Variants in ZDHHC20 observed in about 807,000 individuals in gnomAD.
ZDHHC20 encodes palmitoyltransferase ZDHHC20.
A neutral mutation model predicts 57.8 loss-of-function variants in ZDHHC20; 43 were observed. That is an observed-to-expected ratio of 0.74 (90% CI 0.58 to 0.96). ZDHHC20 has a LOEUF of 0.96. ZDHHC20 is among the 40% of genes least tolerant of loss of function. The pLI, the probability that ZDHHC20 is intolerant of heterozygous loss-of-function variation, is 0.00. For missense variants in ZDHHC20, 391 were observed against 441.1 expected (o/e 0.89, Z 1.02); for synonymous variants, 157 against 153.0 (o/e 1.03, Z -0.19).
intron 3 of ZDHHC20, among the ~76,000 whole-genome samples, chr13:21,417,757 A>T (rs1231424485): frequency 6.6e-6 from 1 of 151,910 alleles, no homozygotes; most frequent in East Asian, 1.9e-4. Context: ...TGCTTTTTAG[A>T]CCCAATCAAT....
intron 1 of ZDHHC20, among the ~76,000 whole-genome samples, chr13:21,438,418 T>C (rs972336239): frequency 3.3e-5 from 5 of 152,126 alleles, no homozygotes; most frequent in African/African-American, 1.2e-4. Flanking sequence ...ACTAAACAGT[T>C]CAAGACTTCA....
intron 4 of ZDHHC20, among the ~76,000 whole-genome samples, chr13:21,404,814 A>G (rs776002322): frequency 5.9e-5 from 9 of 152,064 alleles, no homozygotes; most frequent in Non-Finnish European, 1.2e-4. Flanking sequence ...GGAAAAGAAT[A>G]TATATTTTCT....
intron 4 of ZDHHC20, among the ~76,000 whole-genome samples, chr13:21,408,660 T>G (rs1878787296): frequency 6.6e-6 from 1 of 152,106 alleles, no homozygotes; most frequent in South Asian, 2.1e-4. Context: ...TGAATAGGAG[T>G]GGTGAGAGAG....
chr13:21,440,448 TAAA>T (rs1321466955), intron 1 of ZDHHC20, among the ~76,000 whole-genome samples: 1 of 151,982 alleles, frequency 6.6e-6, no homozygotes, highest in Non-Finnish European at 1.5e-5. Flanking sequence ...CTGTCTCTAC[TAAA>T]AATACAAAAA....
In ZDHHC20 at chr13:21,381,479, A is replaced by T. The variant is rs1566061629; in HGVS notation, c.1015T>A (p.Ser339Thr). The T allele has an allele frequency of 6.2e-7, 1 of 1,613,910 alleles. No homozygotes were observed. Residue 339 changes from serine (S) to threonine (T), a missense_variant, in exon 11 of 13, where the codon TCT becomes ACT. Ser to Thr is a moderately conservative substitution (Grantham distance 58). This residue lies in a region of ZDHHC20 where 197 missense variants were observed against 220.8 expected (regional missense o/e 0.89). Transcript: ENST00000400590. ...ESKNRLLDSE[S>T]QWLENGAEEG... ...TCAGCTCCATTCTCCAGCCACTGAG[A>T]TTCACTGTCCAACAAGCGGTTTTTT...
intron 4 of ZDHHC20, among the ~76,000 whole-genome samples, chr13:21,404,740 C>T (rs1001630075): frequency 1.4e-5 from 2 of 141,684 alleles, no homozygotes; most frequent in Admixed American, 7.3e-5. Context: ...GGTGACAGAG[C>T]GAGATTCCAT....
At chr13:21,405,033 T>TAA (rs1008920496) in intron 4 of ZDHHC20, among the ~76,000 whole-genome samples, 1 of 152,194 alleles carries the variant, frequency 6.6e-6, no homozygotes, top group African/African-American at 2.4e-5. Flanking sequence ...CTGTTATATA[T>TAA]AAAACATTTC....
chr13:21,414,900 A>C (rs917835133), intron 3 of ZDHHC20, among the ~76,000 whole-genome samples: 2 of 152,150 alleles, frequency 1.3e-5, no homozygotes, highest in African/African-American at 4.8e-5. Flanking sequence ...AAAAAAACAA[A>C]ACTAAGAATG....
At chr13:21,381,374 T>TTA (rs1252620745) in intron 11 of ZDHHC20, 60 bp downstream of exon 11, 81 of 1,273,634 alleles carry the variant, frequency 6.4e-5, no homozygotes, top group Admixed American at 1.8e-4. Context: ...TCCACATGTA[T>TTA]TATATCTGGT....
rs1475676441 is a variant in ZDHHC20, at chr13:21,374,282, T to C, written c.*2414A>G. 2.8e-6 allele frequency: 1 copy of C among 352,722 alleles called. No homozygotes were observed. Among genetic ancestry groups the C allele is most frequent in the East Asian group, 7.5e-5 (1 of 13,270 alleles). The allele number at this position is 352,722 out of a possible 1,614,324, so 21.8% of individuals were successfully genotyped here. A position where few individuals can be genotyped will look rare whatever the true frequency, so the allele number is the denominator to read the frequency against. On this transcript the variant is annotated 3_prime_UTR_variant, in exon 13 of 13. Transcript: ENST00000400590. ...ACTCGTCGCCCAGGCTGGAGTGCAG[T>C]GGCACGATCTCGGCTCACTGCGACC...
chr13:21,433,529 A>G (rs1039445635), intron 1 of ZDHHC20, among the ~76,000 whole-genome samples: 4 of 146,620 alleles, frequency 2.7e-5, no homozygotes, highest in African/African-American at 1.0e-4. Context: ...AGGTAGGAGA[A>G]TGGCGTGAAC....
At chr13:21,393,868 T>C (rs1876288983) in intron 7 of ZDHHC20, among the ~76,000 whole-genome samples, 2 of 152,086 alleles carry the variant, frequency 1.3e-5, no homozygotes, top group African/African-American at 4.8e-5. Context: ...CACATTTCAG[T>C]CTGGGGAAGA....
At chr13:21,399,339 C>T (rs957496321) in intron 7 of ZDHHC20, among the ~76,000 whole-genome samples, 3 of 150,874 alleles carry the variant, frequency 2.0e-5, no homozygotes, top group Non-Finnish European at 3.0e-5. Flanking sequence ...AGCAAGATTC[C>T]GTCTCAAATA....
chr13:21,438,301 A>G (rs1392356357), intron 1 of ZDHHC20, among the ~76,000 whole-genome samples: 1 of 152,218 alleles, frequency 6.6e-6, no homozygotes, highest in East Asian at 1.9e-4. Flanking sequence ...AGGATTCATC[A>G]TTTCTAGATG....
chr13:21,410,962 T>C (rs1879129385), intron 4 of ZDHHC20, among the ~76,000 whole-genome samples: 1 of 152,198 alleles, frequency 6.6e-6, no homozygotes, highest in Non-Finnish European at 1.5e-5. Context: ...CACCCACTTT[T>C]GTGCTTGAAA....
chr13:21,445,116 AT>A (rs1883556920), intron 1 of ZDHHC20, among the ~76,000 whole-genome samples: 1 of 152,046 alleles, frequency 6.6e-6, no homozygotes, highest in South Asian at 2.1e-4. Context: ...ATTTATATAT[AT>A]ATATGGGAGA....
intron 4 of ZDHHC20, among the ~76,000 whole-genome samples, chr13:21,407,439 G>T (rs769068964): frequency 6.6e-6 from 1 of 152,154 alleles, no homozygotes; most frequent in South Asian, 2.1e-4. Flanking sequence ...CTTTTGAAAA[G>T]TGTCTGTTCA....
intron 1 of ZDHHC20, among the ~76,000 whole-genome samples, chr13:21,428,836 G>A (rs975203512): frequency 6.6e-6 from 1 of 152,022 alleles, no homozygotes; most frequent in African/African-American, 2.4e-5. Context: ...CAGCCTGGGT[G>A]AAAGAGTGAC....
intron 4 of ZDHHC20, among the ~76,000 whole-genome samples, chr13:21,409,256 T>C (rs909129699): frequency 5.3e-5 from 8 of 152,216 alleles, no homozygotes; most frequent in African/African-American, 1.7e-4. Flanking sequence ...TTTTGGTTGG[T>C]AGGCTATTAA....
Sources: gnomAD v4.1 joint callset for allele counts (sites outside exome capture counted in the v4.1 genomes callset) on GRCh38, gnomAD v4.1.1 for gene constraint, gnomAD v4.1.1 regional missense constraint, MANE v1.5 for transcripts, NCBI Gene and HGNC (gene_info 2026-07-23, HGNC 2026-07-21) for gene names.